The following OR6C74 variants were observed in gnomAD, a reference collection of about 807,000 sequenced individuals.
The protein encoded by OR6C74 is olfactory receptor family 6 subfamily C member 74.
For synonymous variants in OR6C74, 142 were observed against 134.2 expected, an observed-to-expected ratio of 1.06 and a Z score of -0.40; for missense variants, 361 against 362.9, an observed-to-expected ratio of 0.99 and a Z score of 0.04.
chr12:55,254,997 T>C lies in OR6C74; in HGVS notation c.*6771T>C, dbSNP rs1263695060. ...CATTTCTACACATTTAATATTATGC[T>C]TGGTCTGGATTTTTTTTTACAAAGT... On this transcript the variant is annotated 3_prime_UTR_variant, in exon 2 of 2. Coordinates refer to ENST00000343399, the MANE Select transcript of OR6C74 (RefSeq NM_001005490.2). Among the ~76,000 whole-genome samples, 1 of 152,120 alleles carries C rather than the reference T, an allele frequency of 6.6e-6. No homozygotes were observed. Among genetic ancestry groups the C allele is most frequent in the African/African-American group, 2.4e-5 (1 of 41,456 alleles).
In OR6C74 at chr12:55,248,517, G is replaced by C. The variant is rs912710182; in HGVS notation, c.*291G>C. Among the ~76,000 whole-genome samples the C allele has an allele frequency of 1.3e-5, 2 of 152,108 alleles. No homozygotes were observed. The highest frequency in any genetic ancestry group is 2.9e-5 in the Non-Finnish European group (2 of 68,010). The stretch of plus-strand genomic sequence containing the variant: ...CAGAGGAAGACAAAGTGAGACTTCA[G>C]TTTTTCCATGCTCTTTTCCACTCTT... On this transcript the variant is annotated 3_prime_UTR_variant, in exon 2 of 2. Coordinates refer to ENST00000343399, the MANE Select transcript of OR6C74 (RefSeq NM_001005490.2).
rs1954337176 is a variant in OR6C74, at chr12:55,255,402, A to G, written c.*7176A>G. Among the ~76,000 whole-genome samples the G allele has an allele frequency of 6.6e-6, 1 of 152,168 alleles. No homozygotes were observed. The highest frequency in any genetic ancestry group is 2.1e-4 in the South Asian group (1 of 4,834). On this transcript the variant is annotated 3_prime_UTR_variant, in exon 2 of 2. Coordinates refer to ENST00000343399, the MANE Select transcript of OR6C74 (RefSeq NM_001005490.2). ...CAGTGTGGTGATTCCTCAAGGATCTAGAACTAGAAATACCATTTGACCCAG... is the reference window on the plus strand; with the variant it reads ...CAGTGTGGTGATTCCTCAAGGATCTGGAACTAGAAATACCATTTGACCCAG...
chr12:55,247,646 G>A lies in OR6C74; in HGVS notation c.359G>A (p.Arg120His), dbSNP rs147024621. 8.1e-6 allele frequency: 13 copies of A among 1,613,698 alleles called. No individual in the cohort carries two copies. Among genetic ancestry groups the A allele is most frequent in the African/African-American group, 5.3e-5 (4 of 74,868 alleles). The change falls in exon 2 of 2, where the codon CGC (arginine) becomes CAC (histidine). Residue 120 changes from arginine to histidine, a missense_variant. Physicochemically the swap from Arg to His is conservative, Grantham distance 29 (BLOSUM62 0). Transcript: ENST00000343399. ...CTTCTGGCTGCCATGTCCTATGAGC[G>A]CTATGTGGCCATCTGCAAACCCCTG... ...FFLLAAMSYE[R>H]YVAICKPLHY...
In OR6C74 at chr12:55,254,801, T is replaced by C. The variant is rs1954332764; in HGVS notation, c.*6575T>C. 6.6e-6 allele frequency among the ~76,000 whole-genome samples: 1 copy of C among 152,110 alleles called. No homozygotes were observed. Among genetic ancestry groups the C allele is most frequent in the African/African-American group, 2.4e-5 (1 of 41,438 alleles). ...ATAAGCTTCTTTCCAAGTGATAATA[T>C]TTGATGCCATAGACTTGTAATATTC... On this transcript the variant is annotated 3_prime_UTR_variant, in exon 2 of 2. Transcript: ENST00000343399.
Position 55,254,081 on chromosome 12 carries a change from A to G in OR6C74, c.*5855A>G, listed in dbSNP as rs1385248081. Among the ~76,000 whole-genome samples, 1 of 152,096 alleles carries G rather than the reference A, an allele frequency of 6.6e-6. No individual in the cohort carries two copies. The highest frequency in any genetic ancestry group is 1.5e-5 in the Non-Finnish European group (1 of 67,988). On this transcript the variant is annotated 3_prime_UTR_variant, in exon 2 of 2. Transcript: ENST00000343399. ...ATAAGTAACCACACTGAATATGCTC[A>G]TATCAGTTAAGTGCTATTACATAGC... is the stretch of plus-strand genomic sequence containing the variant.
At position 55,248,110 on chromosome 12, in the gene OR6C74, C is replaced by T. The variant is rs758382447; in HGVS notation, c.823C>T (p.Leu275Phe). Residue 275 changes from leucine (L) to phenylalanine (F), a missense_variant, in exon 2 of 2, where the codon CTC becomes TTC. Physicochemically the swap from Leu to Phe is conservative, Grantham distance 22. Coordinates refer to ENST00000343399, the MANE Select transcript of OR6C74 (RefSeq NM_001005490.2). ...RVSLNKGIAL[L>F]STSVAPMLNP... Reference sequence around the variant, plus strand: ...GTCATTAAATAAAGGGATAGCTCTGCTCAGCACTTCTGTTGCCCCCATGTT... The same window carrying T: ...GTCATTAAATAAAGGGATAGCTCTGTTCAGCACTTCTGTTGCCCCCATGTT... 7 of 1,613,584 alleles carry T rather than the reference C, an allele frequency of 4.3e-6. No individual in the cohort carries two copies. The Admixed American group carries it at 1.0e-4, about 23-fold the overall frequency.
chr12:55,256,473 A>G lies in OR6C74; in HGVS notation c.*8247A>G, dbSNP rs976618288. On this transcript the variant is annotated 3_prime_UTR_variant, in exon 2 of 2. Coordinates refer to ENST00000343399, the MANE Select transcript of OR6C74 (RefSeq NM_001005490.2). ...ACTGCTGATTAATAACTTGCTAATC[A>G]TAGGTTATGGAAAGACTGTGTTTCT... Among the ~76,000 whole-genome samples the G allele has an allele frequency of 1.3e-5, 2 of 152,100 alleles. No individual in the cohort carries two copies. Among genetic ancestry groups the G allele is most frequent in the African/African-American group, 4.8e-5 (2 of 41,424 alleles).
In OR6C74 at chr12:55,253,350, T is replaced by C. The variant is rs191546713; in HGVS notation, c.*5124T>C. Among the ~76,000 whole-genome samples, 100 of 152,210 alleles carry C rather than the reference T, an allele frequency of 6.6e-4. No individual in the cohort carries two copies. Among genetic ancestry groups the C allele is most frequent in the Admixed American group, 1.1e-3 (17 of 15,254 alleles). On this transcript the variant is annotated 3_prime_UTR_variant, in exon 2 of 2. Coordinates refer to ENST00000343399, the MANE Select transcript of OR6C74 (RefSeq NM_001005490.2). ...GGCAGACAGTTGAGTTCAATGGGTA[T>C]GTGGATTAAGTCACCACTCCTGCAT...
Position 55,247,504 on chromosome 12 carries a change from A to G in OR6C74, c.217A>G (p.Thr73Ala), listed in dbSNP as rs1436297456. 1.9e-6 allele frequency: 3 copies of G among 1,613,544 alleles called. No individual in the cohort carries two copies. Among genetic ancestry groups the G allele is most frequent in the Non-Finnish European group, 2.5e-6 (3 of 1,179,760 alleles). ...CTCATTTTTAGAAGTCTCATTCACA[A>G]CTGTCTACATTCCCAAATTTCTTGT... Reference protein sequence around the residue: ...NFSFLEVSFTTVYIPKFLVSM... With the variant: ...NFSFLEVSFTAVYIPKFLVSM... Residue 73 changes from threonine (T) to alanine (A), a missense_variant, in exon 2 of 2, where the codon ACT becomes GCT. Transcript: ENST00000343399.
chr12:55,252,865 T>C lies in OR6C74; in HGVS notation c.*4639T>C, dbSNP rs977466066. On this transcript the variant is annotated 3_prime_UTR_variant, in exon 2 of 2. Coordinates refer to ENST00000343399, the MANE Select transcript of OR6C74 (RefSeq NM_001005490.2). ...ACATAAGAAATTCTGATTCTGTATC[T>C]GATACAAGTTTTTAAATTATTACTT... 6.6e-6 allele frequency among the ~76,000 whole-genome samples: 1 copy of C among 152,086 alleles called. No homozygotes were observed. Among genetic ancestry groups the C allele is most frequent in the African/African-American group, 2.4e-5 (1 of 41,454 alleles).
In OR6C74 at chr12:55,254,561, T is replaced by G. The variant is rs1375693416; in HGVS notation, c.*6335T>G. 6.6e-6 allele frequency among the ~76,000 whole-genome samples: 1 copy of G among 152,126 alleles called. No homozygotes were observed. Among genetic ancestry groups the G allele is most frequent in the Non-Finnish European group, 1.5e-5 (1 of 67,986 alleles). ...CATGAGGATTTAAGAGATAAATTTA[T>G]TTAGGACAGTCATGGGAACTTCATG... On this transcript the variant is annotated 3_prime_UTR_variant, in exon 2 of 2. Coordinates refer to ENST00000343399, the MANE Select transcript of OR6C74 (RefSeq NM_001005490.2).
intron 1 of OR6C74, among the ~76,000 whole-genome samples, chr12:55,245,598 C>A (rs910708981): frequency 6.6e-6 from 1 of 152,106 alleles, no homozygotes; most frequent in Non-Finnish European, 1.5e-5. Context: ...TATCACCCAG[C>A]AAGCATTTTA....
chr12:55,247,353 G>T lies in OR6C74; in HGVS notation c.66G>T (p.Gln22His), dbSNP rs1954277076. Residue 22 changes from glutamine to histidine, a missense_variant, in exon 2 of 2, where the codon CAG becomes CAT. Gln to His is a conservative substitution (Grantham distance 24). Coordinates refer to ENST00000343399, the MANE Select transcript of OR6C74 (RefSeq NM_001005490.2). ...GACTGACAGATGATCCACAATTACA[G>T]GTGATTATTTTTCTTCTCCTTTTTT... ...LLGLTDDPQL[Q>H]VIIFLLLFFT... 1 of 1,612,566 alleles carries T rather than the reference G, an allele frequency of 6.2e-7. No individual in the cohort carries two copies. The highest frequency in any genetic ancestry group is 8.5e-7 in the Non-Finnish European group (1 of 1,178,762).
chr12:55,246,679 T>G (rs1412658833), intron 1 of OR6C74, among the ~76,000 whole-genome samples: 4 of 152,148 alleles, frequency 2.6e-5, no homozygotes, highest in African/African-American at 9.7e-5. Flanking sequence ...AATTCAAGTT[T>G]TCAGGAAAAT....
chr12:55,244,815 T>G lies in OR6C74; in HGVS notation c.-12T>G, dbSNP rs1237937140. The stretch of plus-strand genomic sequence containing the variant: ...TAAAAATCATGAGAAGAAATGAACC[T>G]AGGTAAGATTAATGTCATAATAAAA... On this transcript the variant is annotated splice_region_variant and 5_prime_UTR_variant, in exon 1 of 2. Coordinates refer to ENST00000343399, the MANE Select transcript of OR6C74 (RefSeq NM_001005490.2). Among the ~76,000 whole-genome samples, 1 of 152,044 alleles carries G rather than the reference T, an allele frequency of 6.6e-6. No individual in the cohort carries two copies. The highest frequency in any genetic ancestry group is 6.6e-5 in the Admixed American group (1 of 15,260).
rs1954307898 is a variant in OR6C74 at position 55,250,912 on chromosome 12, T to A, written c.*2686T>A. On this transcript the variant is annotated 3_prime_UTR_variant, in exon 2 of 2. Transcript: ENST00000343399. ...GTATTAAGACAAGCTAGACTCAAGG[T>A]ATGTCAATTGTCTATTACATAGCCT... is the stretch of plus-strand genomic sequence containing the variant. 6.6e-6 allele frequency among the ~76,000 whole-genome samples: 1 copy of A among 152,102 alleles called. No homozygotes were observed. The highest frequency in any genetic ancestry group is 6.6e-5 in the Admixed American group (1 of 15,242).
rs1267044075 is a variant in OR6C74 at position 55,256,219 on chromosome 12, C to G, written c.*7993C>G. 6.6e-6 allele frequency among the ~76,000 whole-genome samples: 1 copy of G among 152,002 alleles called. No individual in the cohort carries two copies. Among genetic ancestry groups the G allele is most frequent in the Non-Finnish European group, 1.5e-5 (1 of 67,974 alleles). On this transcript the variant is annotated 3_prime_UTR_variant, in exon 2 of 2. Coordinates refer to ENST00000343399, the MANE Select transcript of OR6C74 (RefSeq NM_001005490.2). ...CCCAGAAAAGCAGATGTTCATAGCT[C>G]TGGGAATGGAATGGGACCCTTGTGT...
rs115393308 is a variant in OR6C74, at chr12:55,246,756, G to T, written c.-9-523G>T. On this transcript the variant is annotated intron_variant, in intron 1 of 1. Transcript: ENST00000343399. ...TGGAGAGTTTTTAGAAGTTTGGTGA[G>T]GGTATTGAATTCCCACTGTGGAAGC... Among the ~76,000 whole-genome samples, 1,515 of 152,228 alleles carry T rather than the reference G, an allele frequency of 1.0e-2. 28 individuals carry two copies. Among genetic ancestry groups the T allele is most frequent in the East Asian group, 0.037 (193 of 5,168 alleles).
intron 1 of OR6C74, among the ~76,000 whole-genome samples, chr12:55,245,353 G>A (rs1565646737): frequency 6.6e-6 from 1 of 152,006 alleles, no homozygotes; most frequent in Non-Finnish European, 1.5e-5. Flanking sequence ...TATGCCTCTA[G>A]TATTCATAGT....
Sources: allele counts gnomAD v4.1 joint callset (sites outside exome capture counted in the v4.1 genomes callset), GRCh38; gene constraint gnomAD v4.1.1; transcripts MANE v1.5; gene names NCBI Gene and HGNC (gene_info 2026-07-23, HGNC 2026-07-21).